CABIN1: variants seen among roughly 807,000 people sequenced by gnomAD.
The protein encoded by CABIN1 is calcineurin binding protein 1, also known as calcineurin-binding protein cabin-1.
In CABIN1, 133 loss-of-function variants were observed where a neutral mutation model predicts 227.7. That is an observed-to-expected ratio of 0.58 (90% CI 0.51 to 0.67). The LOEUF (loss-of-function observed/expected upper bound fraction) is 0.67. Among genes scored for constraint, CABIN1 ranks in the 30% least tolerant of loss-of-function variants. The probability of loss-of-function intolerance (pLI) is 0.00; values close to 1 mark genes in which losing one functional copy is unlikely to be tolerated. For missense variants in CABIN1, 2,408 were observed against 2,852.5 expected (o/e 0.84, Z 3.55); for synonymous variants, 1,086 against 1,155.1 (o/e 0.94, Z 1.21).
intron 29 of CABIN1, 83 bp from the exon 30 acceptor site, chr22:24,164,317 T>A: frequency 6.4e-7 from 1 of 1,563,130 alleles, no homozygotes; most frequent in Non-Finnish European, 8.7e-7. Flanking sequence ...ACTGTGGCAG[T>A]TTCCAGGGGA....
At chr22:24,164,849 A>G (rs1214240211) in intron 30 of CABIN1, among the ~76,000 whole-genome samples, 4 of 150,562 alleles carry the variant, frequency 2.7e-5, no homozygotes, top group African/African-American at 7.3e-5. Context: ...GCTTCCCCCA[A>G]CTCAGGGCTC....
At chr22:24,115,266 G>A (rs1305573639) in intron 27 of CABIN1, among the ~76,000 whole-genome samples, 5 of 152,162 alleles carry the variant, frequency 3.3e-5, no homozygotes, top group African/African-American at 9.6e-5. Flanking sequence ...TTGGGGGAAC[G>A]AAGCAGAGAG....
At chr22:24,140,959 C>G (rs1223402822) in intron 29 of CABIN1, among the ~76,000 whole-genome samples, 1 of 152,236 alleles carries the variant, frequency 6.6e-6, no homozygotes, top group Non-Finnish European at 1.5e-5. Flanking sequence ...CTCCCAGCCA[C>G]TCTACCCCTT....
At chr22:24,116,205 A>G (rs1013459622) in intron 27 of CABIN1, among the ~76,000 whole-genome samples, 1 of 152,226 alleles carries the variant, frequency 6.6e-6, no homozygotes, top group East Asian at 1.9e-4. Context: ...AAAAGTCTAA[A>G]ATATGAAGGT....
intron 23 of CABIN1, among the ~76,000 whole-genome samples, chr22:24,088,537 G>A (rs902445541): frequency 6.6e-6 from 1 of 152,100 alleles, no homozygotes; most frequent in Non-Finnish European, 1.5e-5. Flanking sequence ...GAACCTGAGA[G>A]GCAGAGGTTG....
At chr22:24,105,603 TC>T (rs2042467404) in intron 26 of CABIN1, among the ~76,000 whole-genome samples, 1 of 152,110 alleles carries the variant, frequency 6.6e-6, no homozygotes, top group South Asian at 2.1e-4. Flanking sequence ...CTGTGGACAG[TC>T]CCTGGAGGTT....
chr22:24,014,751 A>G (rs1212060416), intron 1 of CABIN1, among the ~76,000 whole-genome samples: 2 of 152,172 alleles, frequency 1.3e-5, no homozygotes, highest in African/African-American at 4.8e-5. Context: ...GTATACTCAG[A>G]GAAGTGTCTT....
chr22:24,067,749 G>T (rs141766818), intron 16 of CABIN1, among the ~76,000 whole-genome samples: 1 of 152,122 alleles, frequency 6.6e-6, no homozygotes, highest in Non-Finnish European at 1.5e-5. Context: ...TCTGAGCTCA[G>T]TTCCTCATTT....
chr22:24,155,358 G>A (rs1047582126), intron 29 of CABIN1, among the ~76,000 whole-genome samples: 7 of 152,122 alleles, frequency 4.6e-5, no homozygotes, highest in Non-Finnish European at 1.0e-4. Context: ...CATGTCCTGG[G>A]GATGGGGTAC....
At chr22:24,152,236 T>A (rs1423896381) in intron 29 of CABIN1, among the ~76,000 whole-genome samples, 1 of 152,234 alleles carries the variant, frequency 6.6e-6, no homozygotes, top group Non-Finnish European at 1.5e-5. Flanking sequence ...CTCTGCGTCC[T>A]CACTCATGGC....
chr22:24,127,604 C>G (rs1401902517), intron 28 of CABIN1, among the ~76,000 whole-genome samples: 1 of 152,132 alleles, frequency 6.6e-6, no homozygotes, highest in Admixed American at 6.5e-5. Flanking sequence ...CTGAATGATT[C>G]CACTTAGATG....
At chr22:24,107,588 G>T (rs1016126158) in intron 26 of CABIN1, among the ~76,000 whole-genome samples, 8 of 152,212 alleles carry the variant, frequency 5.3e-5, no homozygotes, top group African/African-American at 1.7e-4. Flanking sequence ...GTCCTTTCTT[G>T]CCCACACAGT....
chr22:24,111,825 T>A (rs917097940), intron 26 of CABIN1, among the ~76,000 whole-genome samples: 1 of 152,262 alleles, frequency 6.6e-6, no homozygotes, highest in Non-Finnish European at 1.5e-5. Context: ...AGTGACCTGT[T>A]TTCAAGTTTT....
chr22:24,078,063 G>A (rs2040558599), intron 19 of CABIN1, among the ~76,000 whole-genome samples: 1 of 152,114 alleles, frequency 6.6e-6, no homozygotes, highest in African/African-American at 2.4e-5. Flanking sequence ...CCTTCTGCCT[G>A]CCATGCTATT....
intron 29 of CABIN1, among the ~76,000 whole-genome samples, chr22:24,154,632 C>T (rs1414926566): frequency 6.6e-6 from 1 of 152,206 alleles, no homozygotes; most frequent in Admixed American, 6.5e-5. Context: ...TCTTCTGTGT[C>T]CCCAGCAGCA....
At chr22:24,134,554 A>G (rs969681313) in intron 29 of CABIN1, 139 bp downstream of exon 29, 35 of 710,780 alleles carry the variant, frequency 4.9e-5, no homozygotes, top group Admixed American at 6.1e-5. Flanking sequence ...AGGGTGGTAC[A>G]GTCGAGAGTG....
Position 24,049,203 on chromosome 22 carries a change from C to G in CABIN1, c.639C>G (p.Leu213=), listed in dbSNP as rs2038130325. The change falls in exon 7 of 37, where the codon CTC becomes CTG. Residue 213 remains leucine (L), a synonymous_variant. Transcript: ENST00000263119. ...AGCCTTGTCTCCGGAAGGACTCTCT[C>G]AGAATGTTCCTCAAATGGTAAGTCC... The part of the protein sequence containing the change: ...EEQPCLRKDS[L]RMFLKCDMSI... 2 of 1,613,766 alleles carry G rather than the reference C, an allele frequency of 1.2e-6. No individual in the cohort carries two copies. The highest frequency in any genetic ancestry group is 1.7e-5 in the Admixed American group (1 of 59,994).
chr22:24,169,844 A>G (rs2046686519), intron 33 of CABIN1, among the ~76,000 whole-genome samples: 1 of 152,208 alleles, frequency 6.6e-6, no homozygotes, highest in Non-Finnish European at 1.5e-5. Flanking sequence ...AGAAAGGGCT[A>G]CTGAGTTGGC....
intron 33 of CABIN1, among the ~76,000 whole-genome samples, chr22:24,169,032 G>A (rs2046626599): frequency 6.6e-6 from 1 of 150,994 alleles, no homozygotes; most frequent in Non-Finnish European, 1.5e-5. Context: ...CCTGAGTAGG[G>A]AAGATGGGGT....
Sources: gnomAD v4.1 joint callset for allele counts (sites outside exome capture counted in the v4.1 genomes callset) on GRCh38, gnomAD v4.1.1 for gene constraint, MANE v1.5 for transcripts, NCBI Gene and HGNC (gene_info 2026-07-23, HGNC 2026-07-21) for gene names.